NT5DC3: variants seen among roughly 807,000 people sequenced by gnomAD.
NT5DC3 encodes the protein 5'-nucleotidase domain containing 3.
In NT5DC3, 42 loss-of-function variants were observed where a neutral mutation model predicts 67.8. The ratio of observed to expected loss-of-function variants is 0.62; its 90% CI spans 0.48 to 0.80. The LOEUF is 0.80. Ranked by LOEUF, NT5DC3 falls within the 30% of genes least tolerant of loss-of-function variation. The probability of loss-of-function intolerance (pLI) is 0.00; values close to 1 mark genes in which losing one functional copy is unlikely to be tolerated. For synonymous variants in NT5DC3, 237 were observed against 255.6 expected, an observed-to-expected ratio of 0.93 and a Z score of 0.69; for missense variants, 570 against 696.4, an observed-to-expected ratio of 0.82 and a Z score of 2.04.
the NT5DC3 span, chr12:103,763,598 A>AC: frequency 1.2e-6 from 2 of 1,613,182 alleles, no homozygotes; most frequent in South Asian, 1.1e-5. Flanking sequence ...CCTTCCTACG[A>AC]CCCCTTCACG....
intron 6 of NT5DC3, among the ~76,000 whole-genome samples, chr12:103,794,607 C>A (rs7312606): frequency 6.6e-6 from 1 of 151,954 alleles, no homozygotes; most frequent in South Asian, 2.1e-4. Context: ...TAATTTATAT[C>A]CAGTACTGTG....
At chr12:103,753,226 C>T in the NT5DC3 span, 1 of 1,614,196 alleles carries the variant, frequency 6.2e-7, no homozygotes, top group Middle Eastern at 1.6e-4. Flanking sequence ...CCAGATACCA[C>T]TGTTGGGGTG....
At chr12:103,753,154 T>C in the NT5DC3 span, 1 of 1,590,772 alleles carries the variant, frequency 6.3e-7, no homozygotes, top group Non-Finnish European at 8.6e-7. Flanking sequence ...TCCTTCAGAG[T>C]CCATTGTTGG....
chr12:103,838,117 AC>A (rs1888228909), intron 1 of NT5DC3, among the ~76,000 whole-genome samples: 1 of 152,138 alleles, frequency 6.6e-6, no homozygotes, highest in South Asian at 2.1e-4. Flanking sequence ...AAAAGCGGAA[AC>A]CCCTGATAAA....
At chr12:103,835,912 G>A (rs1248961235) in intron 1 of NT5DC3, among the ~76,000 whole-genome samples, 1 of 152,214 alleles carries the variant, frequency 6.6e-6, no homozygotes, top group East Asian at 1.9e-4. Context: ...GGCTGGGGAG[G>A]CCTCAGAATC....
intron 3 of NT5DC3, 23 bp downstream of exon 3, chr12:103,806,831 GA>G: frequency 2.7e-6 from 4 of 1,462,096 alleles, no homozygotes; most frequent in Non-Finnish European, 2.9e-6. Flanking sequence ...TTAAACCATA[GA>G]AAAACAGGAG....
intron 6 of NT5DC3, 79 bp from the exon 7 acceptor site, chr12:103,794,076 T>G: frequency 1.9e-6 from 2 of 1,060,320 alleles, no homozygotes; most frequent in Non-Finnish European, 3.0e-6. Flanking sequence ...ATGGCAGTCA[T>G]GGTAACTTCT....
chr12:103,806,708 T>C (rs889308198), intron 3 of NT5DC3, 147 bp downstream of exon 3: 15 of 609,106 alleles, frequency 2.5e-5, no homozygotes, highest in Middle Eastern at 4.4e-4. Flanking sequence ...GAAGATTCTA[T>C]CCAAATATAT....
At chr12:103,746,997 C>A in the NT5DC3 span, among the ~76,000 whole-genome samples, 1 of 146,310 alleles carries the variant, frequency 6.8e-6, no homozygotes, top group Non-Finnish European at 1.5e-5. Context: ...ACGCTTGTTG[C>A]CCAGGCTGGA....
chr12:103,771,591 C>T (rs1209082926), downstream of NT5DC3, among the ~76,000 whole-genome samples: 1 of 152,174 alleles, frequency 6.6e-6, no homozygotes, highest in Admixed American at 6.5e-5. Flanking sequence ...CTGCAACCCA[C>T]CTCTCCCCAC....
chr12:103,768,532 AGG>A (rs1566091864), downstream of NT5DC3, among the ~76,000 whole-genome samples: 1 of 15,830 alleles, frequency 6.3e-5, no homozygotes, highest in Non-Finnish European at 1.1e-4. Flanking sequence ...TGGGAGAGAG[AGG>A]GAGAGGGGGA....
intron 6 of NT5DC3, 38 bp downstream of exon 6, chr12:103,796,856 A>G (rs1187408651): frequency 6.2e-7 from 1 of 1,611,668 alleles, no homozygotes; most frequent in African/African-American, 1.3e-5. Flanking sequence ...AAAGGCTGAA[A>G]CAGACTCAGC....
chr12:103,778,160 C>G, intron 13 of NT5DC3, 79 bp from the exon 14 acceptor site: 1 of 1,318,300 alleles, frequency 7.6e-7, no homozygotes, highest in Non-Finnish European at 1.0e-6. Flanking sequence ...ATCAAAATCA[C>G]TTCTTTTTTT....
chr12:103,768,372 TTGCAGTGAGCCAAGATCCTGCCAC>T (rs1300551621), downstream of NT5DC3, among the ~76,000 whole-genome samples: 1 of 149,294 alleles, frequency 6.7e-6, no homozygotes, highest in Non-Finnish European at 1.5e-5. Flanking sequence ...GAGGCGGAGG[TTGCAGTGAGCCAAGATCCTGCCAC>T]TGCACTCCAG....
chr12:103,808,552 A>C (rs182499000), intron 2 of NT5DC3, among the ~76,000 whole-genome samples: 1 of 152,230 alleles, frequency 6.6e-6, no homozygotes, highest in Admixed American at 6.5e-5. Context: ...TTTCAAGTCA[A>C]GCTGCACAAA....
At chr12:103,781,664 C>T (rs984462842) in intron 12 of NT5DC3, among the ~76,000 whole-genome samples, 2 of 152,194 alleles carry the variant, frequency 1.3e-5, no homozygotes, top group African/African-American at 2.4e-5. Context: ...GCTCTGTCCC[C>T]CTACAAGGCC....
In NT5DC3 at chr12:103,773,297, T is replaced by C. The variant is rs996491316; in HGVS notation, c.*4532A>G. 5 of 152,186 alleles carry C rather than the reference T, an allele frequency of 3.3e-5. No homozygotes were observed. The highest frequency in any genetic ancestry group is 5.9e-5 in the Non-Finnish European group (4 of 68,038). The allele number at this position is 152,186 out of a possible 1,614,324, so 9.4% of individuals were successfully genotyped here. A position where few individuals can be genotyped will look rare whatever the true frequency, so the allele number is the denominator to read the frequency against. On this transcript the variant is annotated 3_prime_UTR_variant, in exon 14 of 14. Coordinates refer to ENST00000392876, the MANE Select transcript of NT5DC3 (RefSeq NM_001031701.3). Reference sequence around the variant, plus strand: ...ACCATGGTCATTCCCACAGTAGTAGTAGCAAAAGCAAACAGCCCAAAAAGC... The same window carrying C: ...ACCATGGTCATTCCCACAGTAGTAGCAGCAAAAGCAAACAGCCCAAAAAGC...
chr12:103,841,145 T>C lies in NT5DC3; in HGVS notation c.12A>G (p.Ala4=). The stretch of plus-strand genomic sequence containing the variant: ...CCCCGCGTGCCACCACCGCCGCCGC[T>C]GCCATGGTCATGCCTGCTGCCTGCT... MTM[A]AAAVVARGAG... The change falls in exon 1 of 14, where the codon GCA becomes GCG. Residue 4 remains alanine (A), a synonymous_variant. Transcript: ENST00000392876. 2 of 796,248 alleles carry C rather than the reference T, an allele frequency of 2.5e-6. No homozygotes were observed. The highest frequency in any genetic ancestry group is 2.5e-5 in the South Asian group (1 of 39,804). 49.3% of individuals were successfully genotyped at this position (796,248 alleles called of 1,614,324 possible). A position where few individuals can be genotyped will look rare whatever the true frequency, so the allele number is the denominator to read the frequency against.
At chr12:103,758,269 A>G in the NT5DC3 span, 3 of 1,613,936 alleles carry the variant, frequency 1.9e-6, no homozygotes, top group Non-Finnish European at 2.5e-6. Context: ...GCCACAGAAC[A>G]GTGGGCTGGG....
Sources: gnomAD v4.1 joint callset for allele counts (sites outside exome capture counted in the v4.1 genomes callset) on GRCh38, gnomAD v4.1.1 for gene constraint, MANE v1.5 for transcripts, NCBI Gene and HGNC (gene_info 2026-07-23, HGNC 2026-07-21) for gene names.